TLK2: variants seen among roughly 807,000 people sequenced by gnomAD.
TLK2 encodes the protein tousled like kinase 2, also known as serine/threonine-protein kinase tousled-like 2.
Under a neutral mutation model 117.3 loss-of-function variants are expected in TLK2, and 6 were observed. That is an observed-to-expected ratio of 0.05 (90% CI 0.03 to 0.10). The LOEUF (loss-of-function observed/expected upper bound fraction) is 0.10. Among genes scored for constraint, TLK2 ranks in the 10% least tolerant of loss-of-function variants. The probability of loss-of-function intolerance (pLI) is 1.00; values close to 1 mark genes in which losing one functional copy is unlikely to be tolerated. For synonymous variants in TLK2, 257 were observed against 316.7 expected (o/e 0.81, Z 2.00); for missense variants, 299 against 901.2 (o/e 0.33, Z 8.56).
chr17:62,574,923 A>G (rs557257111), intron 12 of TLK2, among the ~76,000 whole-genome samples: 1 of 152,254 alleles, frequency 6.6e-6, no homozygotes, highest in South Asian at 2.1e-4. Context: ...AATATAAAGT[A>G]TTTTCCTTTC....
At chr17:62,533,367 G>GGTGTGT (rs369887924) in intron 6 of TLK2, among the ~76,000 whole-genome samples, 22,560 of 110,308 alleles carry the variant, frequency 0.2, 4,688 homozygotes, top group Admixed American at 0.29. Flanking sequence ...TCCTATACGG[G>GGTGTGT]GTGTGTGTGT....
intron 2 of TLK2, among the ~76,000 whole-genome samples, chr17:62,519,899 A>G (rs2075913648): frequency 1.3e-5 from 2 of 152,118 alleles, no homozygotes; most frequent in African/African-American, 4.8e-5. Context: ...CATTACATCC[A>G]GGAACCTCTT....
intron 17 of TLK2, 95 bp from the exon 18 acceptor site, chr17:62,600,556 G>T: frequency 2.0e-6 from 2 of 1,012,302 alleles, no homozygotes; most frequent in Non-Finnish European, 2.8e-6. Flanking sequence ...GGAGTGAGAA[G>T]CTGATGACCT....
chr17:62,596,071 T>A (rs887386833), intron 16 of TLK2, among the ~76,000 whole-genome samples: 5 of 152,104 alleles, frequency 3.3e-5, no homozygotes, highest in Admixed American at 2.6e-4. Flanking sequence ...TTTGAGCACC[T>A]GTTATTTTAT....
chr17:62,554,350 G>A (rs527940183), intron 9 of TLK2, among the ~76,000 whole-genome samples: 23 of 152,168 alleles, frequency 1.5e-4, no homozygotes, highest in African/African-American at 5.6e-4. Flanking sequence ...CAAGGCAGGT[G>A]GATCACTTGA....
intron 14 of TLK2, 117 bp downstream of exon 14, chr17:62,578,691 A>T: frequency 1.3e-6 from 1 of 751,388 alleles, no homozygotes; most frequent in East Asian, 2.7e-5. Context: ...TCCATGGTGT[A>T]TTTAGCTCTT....
At chr17:62,545,632 A>T (rs1454961236) in intron 7 of TLK2, among the ~76,000 whole-genome samples, 1 of 152,046 alleles carries the variant, frequency 6.6e-6, no homozygotes, top group African/African-American at 2.4e-5. Context: ...AAAGAGAAAA[A>T]GTATCATGTT....
At chr17:62,592,127 A>AT (rs547535346) in intron 16 of TLK2, among the ~76,000 whole-genome samples, 38 of 143,904 alleles carry the variant, frequency 2.6e-4, no homozygotes, top group East Asian at 1.0e-3. Flanking sequence ...CTAATTTTGT[A>AT]TTTTTTTTTT....
chr17:62,523,020 C>T lies in TLK2; in HGVS notation c.224-114C>T. 1.1e-5 allele frequency: 12 copies of T among 1,115,872 alleles called. No homozygotes were observed. The South Asian group carries it at 2.4e-4, about 22-fold the overall frequency. 69.1% of individuals were successfully genotyped at this position (1,115,872 alleles called of 1,614,324 possible). A position where few individuals can be genotyped will look rare whatever the true frequency, so the allele number is the denominator to read the frequency against. ...TTTGGCTCATTTGTTACAAGTAAAG[C>T]TGACACTTGGGTTTATAGCAATGTA... On this transcript the variant is annotated intron_variant, in intron 4 of 21. Coordinates refer to ENST00000346027, the MANE Select transcript of TLK2 (RefSeq NM_006852.6).
chr17:62,492,459 T>G (rs1374448878), intron 2 of TLK2, among the ~76,000 whole-genome samples: 1 of 149,352 alleles, frequency 6.7e-6, no homozygotes, highest in African/African-American at 2.5e-5. Flanking sequence ...ATTAAACTGT[T>G]TTTTTTTTTG....
intron 12 of TLK2, chr17:62,574,556 C>T (rs947521745): frequency 1.6e-5 from 10 of 608,810 alleles, no homozygotes; most frequent in East Asian, 1.4e-4. Flanking sequence ...CTCACTCCGT[C>T]GCCCAGGCCA....
chr17:62,504,604 G>A (rs1303647358), intron 2 of TLK2, among the ~76,000 whole-genome samples: 1 of 152,070 alleles, frequency 6.6e-6, no homozygotes, highest in African/African-American at 2.4e-5. Context: ...AAGAGTTTGA[G>A]ACCAGCCAGG....
chr17:62,481,546 C>G lies in TLK2; in HGVS notation c.81+340C>G, dbSNP rs185757777. Among the ~76,000 whole-genome samples, 41 of 152,316 alleles carry G rather than the reference C, an allele frequency of 2.7e-4. 1 individual carries two copies. The highest frequency in any genetic ancestry group is 9.9e-4 in the African/African-American group (41 of 41,556). On this transcript the variant is annotated intron_variant, in intron 2 of 21. Coordinates refer to ENST00000346027, the MANE Select transcript of TLK2 (RefSeq NM_006852.6). ...GCCATTCAGAAAGAAAATTACAAGG[C>G]ATTGCATAGCTTTGTTACATTGGAC...
At chr17:62,609,170 C>T (rs1481103292) in intron 21 of TLK2, among the ~76,000 whole-genome samples, 1 of 152,154 alleles carries the variant, frequency 6.6e-6, no homozygotes. Flanking sequence ...CAGCCTCGAC[C>T]TCCCCAGGCT....
intron 16 of TLK2, among the ~76,000 whole-genome samples, chr17:62,590,691 C>G (rs1479086714): frequency 6.6e-6 from 1 of 152,122 alleles, no homozygotes; most frequent in Admixed American, 6.5e-5. Context: ...GTTGCCCAGG[C>G]TGGTCTTTAA....
intron 15 of TLK2, 108 bp downstream of exon 15, chr17:62,580,300 A>T: frequency 1.3e-6 from 1 of 773,706 alleles, no homozygotes; most frequent in Non-Finnish European, 1.9e-6. Context: ...CCATTGGTTG[A>T]AATTCAAAAA....
intron 6 of TLK2, among the ~76,000 whole-genome samples, chr17:62,530,051 A>G (rs972552283): frequency 9.9e-5 from 15 of 151,914 alleles, no homozygotes; most frequent in Admixed American, 7.2e-4. Flanking sequence ...GAGGCAGGCA[A>G]ATCATGAGGT....
chr17:62,525,305 T>A (rs1169400603), intron 6 of TLK2, among the ~76,000 whole-genome samples: 1 of 152,190 alleles, frequency 6.6e-6, no homozygotes, highest in Non-Finnish European at 1.5e-5. Context: ...TATTTTAAAA[T>A]GTACTTTCTC....
chr17:62,495,265 A>G lies in TLK2; in HGVS notation c.81+14059A>G, dbSNP rs1207290134. ...ACACCATTGCAGTCTAGCCCGCGCA[A>G]CAGGAGGGAAACTCCATCTCAAAAA... is the stretch of plus-strand genomic sequence containing the variant. On this transcript the variant is annotated intron_variant, in intron 2 of 21. Transcript: ENST00000346027. Among the ~76,000 whole-genome samples the G allele has an allele frequency of 3.9e-5, 6 of 152,104 alleles. No individual in the cohort carries two copies. The South Asian group carries it at 1.2e-3, about 32-fold the overall frequency.
Sources: allele counts gnomAD v4.1 joint callset (sites outside exome capture counted in the v4.1 genomes callset), GRCh38; gene constraint gnomAD v4.1.1; transcripts MANE v1.5; gene names NCBI Gene and HGNC (gene_info 2026-07-23, HGNC 2026-07-21).